The following IL17B variants were observed in gnomAD, a reference collection of about 807,000 sequenced individuals.
IL17B encodes the protein interleukin-17B.
In IL17B, 14 loss-of-function variants were observed where a neutral mutation model predicts 14.7. The ratio of observed to expected loss-of-function variants is 0.95; its 90% confidence interval spans 0.63 to 1.49. IL17B has a LOEUF of 1.49. Among genes scored for constraint, IL17B ranks in the 40% most tolerant of loss-of-function variants. IL17B has a pLI of 0.00. For missense variants in IL17B, 233 were observed against 252.8 expected, an observed-to-expected ratio of 0.92 and a Z score of 0.53; for synonymous variants, 105 against 94.8, an observed-to-expected ratio of 1.11 and a Z score of -0.62.
At position 149,374,484 on chromosome 5, in the gene IL17B, A is replaced by G. The variant is rs1321771243; in HGVS notation, c.428T>C (p.Val143Ala). Reference protein sequence around the residue: ...QEDRSMVSVPVFSQVPVRRRL... With the variant: ...QEDRSMVSVPAFSQVPVRRRL... ...GCGGCGCACAGGAACCTGGCTGAAC[A>G]CCGGCACGCTCACCATGCTGCGGTC... The change falls in exon 3 of 3, where the codon GTG (valine) becomes GCG (alanine). Residue 143 changes from valine (V) to alanine (A), a missense_variant. Physicochemically the swap from Val to Ala is moderately conservative, Grantham distance 64. Coordinates refer to ENST00000261796, the MANE Select transcript of IL17B (RefSeq NM_014443.3). This position sits in a 1 kb window ranked among gnomAD's most constrained non-coding sequence, Gnocchi z 5.0. 1 of 1,612,838 alleles carries G rather than the reference A, an allele frequency of 6.2e-7. No homozygotes were observed. Among genetic ancestry groups the G allele is most frequent in the Non-Finnish European group, 8.5e-7 (1 of 1,179,946 alleles).
At chr5:149,392,997 TGCTGC>T (rs1759014616) in intron 1 of IL17B, among the ~76,000 whole-genome samples, 1 of 149,672 alleles carries the variant, frequency 6.7e-6, no homozygotes, top group East Asian at 2.0e-4. Context: ...TGCGTGTGTG[TGCTGC>T]GTGTGTGCAT....
intron 1 of IL17B, among the ~76,000 whole-genome samples, chr5:149,398,972 G>A (rs1759154427): frequency 6.6e-6 from 1 of 152,194 alleles, no homozygotes; most frequent in African/African-American, 2.4e-5. Flanking sequence ...GAAGGTGAAA[G>A]GCACTTCTTA....
At chr5:149,376,025 G>A (rs1041893664) in intron 2 of IL17B, among the ~76,000 whole-genome samples, 2 of 152,234 alleles carry the variant, frequency 1.3e-5, no homozygotes, top group Admixed American at 1.3e-4. Flanking sequence ...CTATTCTAGA[G>A]TCTCAGGGTA....
rs1488308302 is a variant in IL17B, at chr5:149,374,540, C to T, written c.372G>A (p.Leu124=). 5 of 1,613,284 alleles carry T rather than the reference C, an allele frequency of 3.1e-6. No homozygotes were observed. ...VDLPEARCLC[L]GCVNPFTMQE... The stretch of plus-strand genomic sequence containing the variant: ...GCATGGTGAAGGGGTTCACACAGCC[C>T]AGACACAGGCACCGTGCCTCCGGCA... Residue 124 remains leucine, a synonymous_variant, in exon 3 of 3, where the codon CTG becomes CTA. Coordinates refer to ENST00000261796, the MANE Select transcript of IL17B (RefSeq NM_014443.3). This position sits in a 1 kb window ranked among gnomAD's most constrained non-coding sequence, Gnocchi z 5.0.
intron 1 of IL17B, among the ~76,000 whole-genome samples, chr5:149,403,125 C>T (rs1351744036): frequency 6.6e-6 from 1 of 151,554 alleles, no homozygotes; most frequent in Non-Finnish European, 1.5e-5. Context: ...CATTCTATAG[C>T]CCAGACTGGA....
chr5:149,382,805 C>T (rs1166622525), upstream of IL17B, among the ~76,000 whole-genome samples: 3 of 152,350 alleles, frequency 2.0e-5, no homozygotes, highest in East Asian at 3.9e-4. Flanking sequence ...ACTAAACCCA[C>T]GCCCAAGCCC....
rs759108806 is a variant in IL17B at position 149,376,883 on chromosome 5, G to A, written c.164C>T (p.Pro55Leu). ...CTCATACTCCTCCATGCGGGCATAC[G>A]GTTTCATCCGTGACACCAGGTCCAG... ...VPLDLVSRMKPYARMEEYERN... is the reference protein window; with the variant it reads ...VPLDLVSRMKLYARMEEYERN... Residue 55 changes from proline to leucine, a missense_variant, in exon 2 of 3, where the codon CCG becomes CTG. By Grantham distance (98) the Pro-to-Leu change is moderately conservative. Transcript: ENST00000261796. 18 of 1,614,136 alleles carry A rather than the reference G, an allele frequency of 1.1e-5. No homozygotes were observed. The highest frequency in any genetic ancestry group is 4.5e-5 in the East Asian group (2 of 44,864).
At chr5:149,396,624 G>A (rs1379397994) in intron 1 of IL17B, among the ~76,000 whole-genome samples, 2 of 152,092 alleles carry the variant, frequency 1.3e-5, no homozygotes, top group Non-Finnish European at 2.9e-5. Context: ...CAGGCGCAGC[G>A]GTGTACGCTT....
At chr5:149,392,328 C>T (rs1758986239) in intron 1 of IL17B, among the ~76,000 whole-genome samples, 1 of 152,232 alleles carries the variant, frequency 6.6e-6, no homozygotes. Context: ...CCTCAAAGTG[C>T]TCATCCTTAT....
At chr5:149,393,888 A>G (rs2127621759) in intron 1 of IL17B, among the ~76,000 whole-genome samples, 1 of 152,352 alleles carries the variant, frequency 6.6e-6, no homozygotes, top group South Asian at 2.1e-4. Flanking sequence ...TGAGGAATGT[A>G]GTGAATTGGG....
chr5:149,383,197 C>T (rs1758744759), upstream of IL17B, among the ~76,000 whole-genome samples: 1 of 152,228 alleles, frequency 6.6e-6, no homozygotes. Flanking sequence ...TTAGCACAGT[C>T]CCTGGCAAAA....
intron 1 of IL17B, among the ~76,000 whole-genome samples, chr5:149,398,010 A>T (rs1446603333): frequency 3.9e-5 from 6 of 152,076 alleles, no homozygotes. Flanking sequence ...CCACACACAG[A>T]TCTCCTCTAG....
chr5:149,379,055 G>C (rs1470426183), intron 1 of IL17B, 150 bp downstream of exon 1: 4 of 958,506 alleles, frequency 4.2e-6, no homozygotes, highest in Admixed American at 2.1e-5. Context: ...ACCAGTCTCT[G>C]TTTCTTTCTA....
At chr5:149,403,356 G>C (rs1391002687) in intron 1 of IL17B, among the ~76,000 whole-genome samples, 1 of 152,148 alleles carries the variant, frequency 6.6e-6, no homozygotes, top group East Asian at 1.9e-4. Context: ...AAAGTGCTGG[G>C]ATTACAGGTG....
rs2127619986 is a variant in IL17B, at chr5:149,386,378, G to T, written n.96-9353C>A. ...CACTTAGAGCACAGGCAGCAACTCT[G>T]ACACACATCACATCACCCTTGATGG... On this transcript the variant is annotated intron_variant and non_coding_transcript_variant, in intron 1 of 2. Coordinates refer to the IL17B transcript ENST00000505432. Among the ~76,000 whole-genome samples the T allele has an allele frequency of 1.3e-5, 2 of 152,204 alleles. 1 individual carries two copies. Among genetic ancestry groups the T allele is most frequent in the South Asian group, 4.1e-4 (2 of 4,824 alleles).
intron 1 of IL17B, among the ~76,000 whole-genome samples, chr5:149,397,318 G>A (rs1332260361): frequency 3.3e-5 from 5 of 152,030 alleles, no homozygotes; most frequent in African/African-American, 4.8e-5. Context: ...ATAGATGCCC[G>A]CCATCAGGCC....
At chr5:149,402,958 G>T (rs569803536) in intron 1 of IL17B, among the ~76,000 whole-genome samples, 1 of 126,258 alleles carries the variant, frequency 7.9e-6, no homozygotes, top group South Asian at 2.6e-4. Flanking sequence ...AGCCGGGATC[G>T]CACCATTGCA....
chr5:149,379,086 G>A, intron 1 of IL17B, 119 bp downstream of exon 1: 1 of 1,206,650 alleles, frequency 8.3e-7, no homozygotes. Flanking sequence ...AGAAGACAGA[G>A]AAGTTGCCTC....
chr5:149,394,974 G>A (rs925699117), intron 1 of IL17B, among the ~76,000 whole-genome samples: 4 of 152,026 alleles, frequency 2.6e-5, no homozygotes, highest in Non-Finnish European at 5.9e-5. Flanking sequence ...CATCACCCAG[G>A]TAACAAACGT....
Sources: allele counts gnomAD v4.1 joint callset (sites outside exome capture counted in the v4.1 genomes callset), GRCh38; gene constraint gnomAD v4.1.1; non-coding constraint Gnocchi (gnomAD v3.1); transcripts MANE v1.5; gene names NCBI Gene and HGNC (gene_info 2026-07-23, HGNC 2026-07-21).